Variants in LIMS1 observed in about 807,000 individuals in gnomAD.
LIMS1 encodes LIM zinc finger domain containing 1.
A neutral mutation model predicts 44.1 loss-of-function variants in LIMS1; 18 were observed. The observed-to-expected ratio is 0.41, with a 90% CI of 0.28 to 0.61. LIMS1 has a LOEUF of 0.61. Among genes scored for constraint, LIMS1 ranks in the 20% least tolerant of loss-of-function variants. The pLI, the probability that LIMS1 is intolerant of heterozygous loss-of-function variation, is 0.32. For synonymous variants in LIMS1, 93 were observed against 149.1 expected (o/e 0.62, Z 2.74); for missense variants, 201 against 422.0 (o/e 0.48, Z 4.59).
At chr2:108,570,276 C>A (rs1685438917) in intron 1 of LIMS1, among the ~76,000 whole-genome samples, 1 of 151,972 alleles carries the variant, frequency 6.6e-6, no homozygotes, top group Non-Finnish European at 1.5e-5. Context: ...ATTAAAAATA[C>A]AAACATTAGC....
intron 8 of LIMS1, among the ~76,000 whole-genome samples, chr2:108,679,690 G>A (rs550653508): frequency 8.0e-4 from 121 of 152,146 alleles, no homozygotes; most frequent in Non-Finnish European, 1.4e-3. Flanking sequence ...GCCGAGACAG[G>A]AGAATTTCTT....
At chr2:108,535,981 A>G (rs535363714) in intron 1 of LIMS1, among the ~76,000 whole-genome samples, 1 of 142,170 alleles carries the variant, frequency 7.0e-6, no homozygotes, top group East Asian at 1.9e-4. Flanking sequence ...ATTTGATAAC[A>G]ATAATTTGTA....
intron 1 of LIMS1, among the ~76,000 whole-genome samples, chr2:108,568,852 T>G (rs1182355154): frequency 6.6e-6 from 1 of 152,174 alleles, no homozygotes; most frequent in Non-Finnish European, 1.5e-5. Flanking sequence ...TCTGTTAAAT[T>G]CTTTGCCCAT....
intron 2 of LIMS1, chr2:108,662,543 G>A: frequency 7.9e-7 from 1 of 1,261,200 alleles, no homozygotes; most frequent in Non-Finnish European, 1.0e-6. Context: ...TTACTATTTT[G>A]GCTAAATTGT....
At chr2:108,620,633 G>A (rs1688183860) in intron 1 of LIMS1, among the ~76,000 whole-genome samples, 1 of 152,150 alleles carries the variant, frequency 6.6e-6, no homozygotes, top group South Asian at 2.1e-4. Context: ...ACAGCATTGT[G>A]TCAGCCGGGG....
At chr2:108,664,674 C>G (rs1352419234) in intron 2 of LIMS1, among the ~76,000 whole-genome samples, 1 of 152,040 alleles carries the variant, frequency 6.6e-6, no homozygotes, top group Non-Finnish European at 1.5e-5. Context: ...AACTTCTGGC[C>G]TTTCTCTCAG....
intron 1 of LIMS1, among the ~76,000 whole-genome samples, chr2:108,554,237 T>C (rs1238118187): frequency 6.6e-6 from 1 of 152,186 alleles, no homozygotes; most frequent in Non-Finnish European, 1.5e-5. Context: ...ATTGAGATCC[T>C]GTGGAAAATC....
intron 1 of LIMS1, among the ~76,000 whole-genome samples, chr2:108,584,207 G>C (rs541866969): frequency 3.9e-5 from 6 of 152,274 alleles, no homozygotes; most frequent in African/African-American, 1.4e-4. Flanking sequence ...GCCTGTGTTT[G>C]CTAAGCACTT....
intron 1 of LIMS1, among the ~76,000 whole-genome samples, chr2:108,550,427 A>G (rs1469791707): frequency 3.3e-5 from 5 of 151,998 alleles, no homozygotes; most frequent in African/African-American, 4.8e-5. Flanking sequence ...TGAACCTGGG[A>G]GGCGGAGCTT....
intron 1 of LIMS1, among the ~76,000 whole-genome samples, chr2:108,634,494 G>A (rs1002568480): frequency 2.0e-5 from 3 of 152,242 alleles, no homozygotes; most frequent in Admixed American, 2.0e-4. Context: ...ACAGAACATT[G>A]CCCCTACCAC....
At chr2:108,611,415 G>C (rs1687593774) in intron 1 of LIMS1, among the ~76,000 whole-genome samples, 1 of 152,000 alleles carries the variant, frequency 6.6e-6, no homozygotes, top group Non-Finnish European at 1.5e-5. Flanking sequence ...CTTCCCCAAG[G>C]CTCTGATTTA....
At chr2:108,626,456 A>G (rs1193827400) in intron 1 of LIMS1, among the ~76,000 whole-genome samples, 4 of 152,146 alleles carry the variant, frequency 2.6e-5, no homozygotes, top group Non-Finnish European at 4.4e-5. Context: ...GCTTACTCCT[A>G]TATGTTTGAT....
At chr2:108,592,965 A>G (rs1686484232) in intron 1 of LIMS1, among the ~76,000 whole-genome samples, 1 of 152,160 alleles carries the variant, frequency 6.6e-6, no homozygotes, top group Non-Finnish European at 1.5e-5. Context: ...TACCTTGGAT[A>G]TTGTGAATAA....
At chr2:108,613,488 C>G (rs1472428128) in intron 1 of LIMS1, among the ~76,000 whole-genome samples, 1 of 152,014 alleles carries the variant, frequency 6.6e-6, no homozygotes, top group African/African-American at 2.4e-5. Flanking sequence ...CCAGTCTGCC[C>G]TTCTGCCCTC....
intron 9 of LIMS1, chr2:108,681,602 CA>C: frequency 2.1e-6 from 2 of 964,414 alleles, no homozygotes; most frequent in Non-Finnish European, 2.5e-6. Context: ...TTTAAAAATG[CA>C]TATATTCTAA....
At chr2:108,564,213 T>C (rs1313706502) in intron 1 of LIMS1, among the ~76,000 whole-genome samples, 1 of 152,160 alleles carries the variant, frequency 6.6e-6, no homozygotes, top group Non-Finnish European at 1.5e-5. Context: ...AAGGCTCAGA[T>C]GATTGCTAGC....
chr2:108,635,304 T>C (rs1454137343), intron 1 of LIMS1, among the ~76,000 whole-genome samples: 2 of 151,668 alleles, frequency 1.3e-5, no homozygotes, highest in Non-Finnish European at 2.9e-5. Context: ...GGCAGGTGCC[T>C]GTAATCCCAG....
intron 1 of LIMS1, among the ~76,000 whole-genome samples, chr2:108,547,285 C>G (rs1172412803): frequency 6.6e-6 from 1 of 152,126 alleles, no homozygotes; most frequent in East Asian, 1.9e-4. Flanking sequence ...CCTTCATCAC[C>G]AAGGGATGGT....
intron 1 of LIMS1, among the ~76,000 whole-genome samples, chr2:108,600,708 C>G (rs1282764731): frequency 6.6e-6 from 1 of 152,136 alleles, no homozygotes; most frequent in East Asian, 1.9e-4. Flanking sequence ...TCTGGGTTCT[C>G]TATTCCGTTC....
Sources: allele counts gnomAD v4.1 joint callset (sites outside exome capture counted in the v4.1 genomes callset), GRCh38; gene constraint gnomAD v4.1.1; transcripts MANE v1.5; gene names NCBI Gene and HGNC (gene_info 2026-07-23, HGNC 2026-07-21).